Variants in AFF1 observed in about 807,000 individuals in gnomAD.
AFF1 encodes AF4/FMR2 family member 1.
AFF1 carries 48 observed loss-of-function variants against 121.7 expected under a neutral mutation model. The ratio of observed to expected loss-of-function variants is 0.39; its 90% confidence interval spans 0.31 to 0.50. AFF1 has a LOEUF of 0.50. Among genes scored for constraint, AFF1 ranks in the 20% least tolerant of loss-of-function variants. The probability of loss-of-function intolerance (pLI) is 0.76; values close to 1 mark genes in which losing one functional copy is unlikely to be tolerated. For synonymous variants in AFF1, 613 were observed against 563.0 expected (o/e 1.09, Z -1.26); for missense variants, 1,523 against 1,511.7 (o/e 1.01, Z -0.12).
At chr4:86,954,000 C>T (rs369954492) in intron 2 of AFF1, among the ~76,000 whole-genome samples, 65 of 152,200 alleles carry the variant, frequency 4.3e-4, no homozygotes, top group African/African-American at 1.3e-3. Flanking sequence ...CGTGAGCCAC[C>T]GTGCCCGGCC....
intron 2 of AFF1, among the ~76,000 whole-genome samples, chr4:86,967,261 T>C (rs927891828): frequency 6.6e-6 from 1 of 152,060 alleles, no homozygotes; most frequent in Non-Finnish European, 1.5e-5. Context: ...GAGGAGTGGA[T>C]AAAAGAGAGA....
At chr4:87,016,985 G>A (rs1465259807) in intron 2 of AFF1, among the ~76,000 whole-genome samples, 1 of 152,032 alleles carries the variant, frequency 6.6e-6, no homozygotes, top group Non-Finnish European at 1.5e-5. Flanking sequence ...GTTAATAGAT[G>A]TGATGGACAG....
At chr4:87,108,032 A>G (rs1726095477) in intron 10 of AFF1, 127 bp from the exon 11 acceptor site, 3 of 962,874 alleles carry the variant, frequency 3.1e-6, no homozygotes, top group East Asian at 2.6e-5. Context: ...GTTGGATGAC[A>G]TGATAGTTTA....
At chr4:86,961,822 C>A (rs2149468369) in intron 2 of AFF1, among the ~76,000 whole-genome samples, 1 of 152,092 alleles carries the variant, frequency 6.6e-6, no homozygotes, top group Non-Finnish European at 1.5e-5. Context: ...AGGTGGCTGC[C>A]CTGTTAATAA....
chr4:87,064,614 C>T (rs188879241), intron 4 of AFF1, among the ~76,000 whole-genome samples: 132 of 152,148 alleles, frequency 8.7e-4, no homozygotes, highest in Non-Finnish European at 6.8e-4. Context: ...CACGGTGGCT[C>T]ATGTCTATAA....
At chr4:87,022,746 G>GTA (rs767092160) in intron 2 of AFF1, among the ~76,000 whole-genome samples, 118 of 147,992 alleles carry the variant, frequency 8.0e-4, no homozygotes, top group African/African-American at 2.6e-3. Flanking sequence ...CTGTGTGTGT[G>GTA]TATATATATA....
chr4:87,027,828 C>T (rs1728680683), intron 2 of AFF1, among the ~76,000 whole-genome samples: 1 of 131,064 alleles, frequency 7.6e-6, no homozygotes, highest in South Asian at 2.4e-4. Context: ...CTCACTGTCG[C>T]CCAGACTGGA....
In AFF1 at chr4:87,047,533, A is replaced by C. The variant is rs771978641; in HGVS notation, c.998A>C (p.Asp333Ala). ...DYRQQTFEKTDLKVPAKAKLT... is the reference protein window; with the variant it reads ...DYRQQTFEKTALKVPAKAKLT... Reference sequence around the variant, plus strand: ...CGACAGCAGACCTTTGAAAAAACAGACTTGAAAGTGCCTGCCAAAGCCAAG... The same window carrying C: ...CGACAGCAGACCTTTGAAAAAACAGCCTTGAAAGTGCCTGCCAAAGCCAAG... Residue 333 changes from aspartate to alanine, a missense_variant, in exon 4 of 21, where the codon GAC (aspartate) becomes GCC (alanine). By Grantham distance (126) the Asp-to-Ala change is moderately radical (BLOSUM62 -2). Coordinates refer to ENST00000395146, the MANE Select transcript of AFF1 (RefSeq NM_001166693.3). 1.2e-6 allele frequency: 2 copies of C among 1,614,190 alleles called. No individual in the cohort carries two copies. Among genetic ancestry groups the C allele is most frequent in the Non-Finnish European group, 1.7e-6 (2 of 1,180,038 alleles).
chr4:86,950,636 C>T (rs1721240435), intron 2 of AFF1, among the ~76,000 whole-genome samples: 1 of 152,152 alleles, frequency 6.6e-6, no homozygotes, highest in East Asian at 1.9e-4. Flanking sequence ...TCTCCTACTT[C>T]TCCCCCTTTC....
chr4:87,029,581 C>T (rs949837412), intron 2 of AFF1, among the ~76,000 whole-genome samples: 3 of 152,166 alleles, frequency 2.0e-5, no homozygotes, highest in Non-Finnish European at 2.9e-5. Context: ...GAATAGATAG[C>T]ACAGGGAAGT....
intron 2 of AFF1, among the ~76,000 whole-genome samples, chr4:86,984,771 A>G (rs1341343649): frequency 6.6e-6 from 1 of 152,120 alleles, no homozygotes; most frequent in Non-Finnish European, 1.5e-5. Flanking sequence ...TCTTGTCTAT[A>G]TAAAAAATTT....
intron 5 of AFF1, among the ~76,000 whole-genome samples, chr4:87,086,112 G>A (rs1256564716): frequency 6.6e-6 from 1 of 152,120 alleles, no homozygotes; most frequent in Non-Finnish European, 1.5e-5. Flanking sequence ...AAGTTACCTC[G>A]ATTACATTTT....
At position 87,137,694 on chromosome 4, in the gene AFF1, G is replaced by A. The variant is rs1729411349; in HGVS notation, c.*1993G>A. ...ACAGTAATTGCCTGGTAGGTTTGGT[G>A]TGTGTGTAGCATTGTGTGTCCATCT... On this transcript the variant is annotated 3_prime_UTR_variant, in exon 21 of 21. Transcript: ENST00000395146. The A allele has an allele frequency of 4.3e-6, 1 of 232,612 alleles. No homozygotes were observed. The highest frequency in any genetic ancestry group is 8.5e-6 in the Non-Finnish European group (1 of 117,724). 14.4% of individuals were successfully genotyped at this position (232,612 alleles called of 1,614,324 possible).
At chr4:87,061,805 A>AG (rs1485658247) in intron 4 of AFF1, among the ~76,000 whole-genome samples, 3 of 152,168 alleles carry the variant, frequency 2.0e-5, no homozygotes, top group Middle Eastern at 3.2e-3. Flanking sequence ...GACATGCAAA[A>AG]GACCTATCTT....
intron 4 of AFF1, among the ~76,000 whole-genome samples, chr4:87,079,181 A>G (rs1722938468): frequency 6.6e-6 from 1 of 152,158 alleles, no homozygotes; most frequent in South Asian, 2.1e-4. Context: ...CTTTTTGAGA[A>G]TAGCATTGTT....
At chr4:87,043,300 C>T (rs1293683465) in intron 2 of AFF1, among the ~76,000 whole-genome samples, 4 of 152,146 alleles carry the variant, frequency 2.6e-5, no homozygotes, top group Non-Finnish European at 4.4e-5. Context: ...TTTCCCCACC[C>T]GCTCACCCAT....
intron 10 of AFF1, 35 bp downstream of exon 10, chr4:87,105,880 G>A: frequency 6.2e-7 from 1 of 1,610,894 alleles, no homozygotes. Context: ...TGTACAGAAT[G>A]TTTGCAATTT....
chr4:86,982,086 C>G (rs1430666580), intron 2 of AFF1, among the ~76,000 whole-genome samples: 1 of 152,158 alleles, frequency 6.6e-6, no homozygotes. Flanking sequence ...AAATAGCTGA[C>G]TGTGGGAATG....
chr4:86,954,111 G>A (rs1338476309), intron 2 of AFF1, among the ~76,000 whole-genome samples: 6 of 152,220 alleles, frequency 3.9e-5, no homozygotes, highest in Admixed American at 3.9e-4. Flanking sequence ...TCCCTTAAAA[G>A]TCATCACTGT....
Sources: allele counts gnomAD v4.1 joint callset (sites outside exome capture counted in the v4.1 genomes callset), GRCh38; gene constraint gnomAD v4.1.1; transcripts MANE v1.5; gene names NCBI Gene and HGNC (gene_info 2026-07-23, HGNC 2026-07-21).